Variants in TNIK observed in about 807,000 individuals in gnomAD.
TNIK encodes TRAF2 and NCK interacting kinase, also known as TRAF2 and NCK-interacting protein kinase.
A neutral mutation model predicts 191.3 loss-of-function variants in TNIK; 49 were observed. The ratio of observed to expected loss-of-function variants is 0.26; its 90% CI spans 0.20 to 0.32. TNIK has a LOEUF of 0.32. TNIK is among the 10% of genes least tolerant of loss of function. The pLI, the probability that TNIK is intolerant of heterozygous loss-of-function variation, is 1.00. For missense variants in TNIK, 1,155 were observed against 1,702.3 expected, an observed-to-expected ratio of 0.68 and a Z score of 5.66; for synonymous variants, 594 against 600.9, an observed-to-expected ratio of 0.99 and a Z score of 0.17.
chr3:171,324,736 A>G (rs1429073276), intron 2 of TNIK, among the ~76,000 whole-genome samples: 1 of 152,148 alleles, frequency 6.6e-6, no homozygotes, highest in African/African-American at 2.4e-5. Flanking sequence ...ACCCACACAT[A>G]TCCAAATATC....
chr3:171,172,939 T>G (rs931666060), intron 9 of TNIK, among the ~76,000 whole-genome samples: 1 of 152,314 alleles, frequency 6.6e-6, no homozygotes, highest in East Asian at 1.9e-4. Context: ...TCCTAAAAGT[T>G]TGTATTTCTC....
At chr3:171,106,512 T>TGCAAG (rs1724910846) in intron 21 of TNIK, among the ~76,000 whole-genome samples, 1 of 152,206 alleles carries the variant, frequency 6.6e-6, no homozygotes, top group African/African-American at 2.4e-5. Flanking sequence ...TAGGACTCTT[T>TGCAAG]GCAAGGCCTG....
At chr3:171,098,308 C>T (rs2108437603) in intron 22 of TNIK, among the ~76,000 whole-genome samples, 1 of 151,844 alleles carries the variant, frequency 6.6e-6, no homozygotes, top group Middle Eastern at 3.4e-3. Flanking sequence ...TATTTTTTTC[C>T]TGATTATAAA....
At chr3:171,259,292 G>A (rs1219221713) in intron 2 of TNIK, among the ~76,000 whole-genome samples, 4 of 152,198 alleles carry the variant, frequency 2.6e-5, no homozygotes. Flanking sequence ...GCAGCCACAT[G>A]AATCTTTCAA....
chr3:171,316,178 T>C (rs995565976), intron 2 of TNIK, among the ~76,000 whole-genome samples: 1 of 152,104 alleles, frequency 6.6e-6, no homozygotes, highest in Non-Finnish European at 1.5e-5. Context: ...ACAGGCAGCA[T>C]CCATTTTCTG....
intron 1 of TNIK, among the ~76,000 whole-genome samples, chr3:171,427,662 A>C (rs1724816680): frequency 6.6e-6 from 1 of 152,228 alleles, no homozygotes; most frequent in Non-Finnish European, 1.5e-5. Context: ...TTAGTTAAAA[A>C]TTCACTTAGT....
chr3:171,130,148 T>G (rs1729039528), intron 15 of TNIK, among the ~76,000 whole-genome samples: 1 of 152,242 alleles, frequency 6.6e-6, no homozygotes, highest in African/African-American at 2.4e-5. Context: ...TACTGCCTGA[T>G]TTGAAATAAA....
At chr3:171,427,507 T>C (rs897652670) in intron 1 of TNIK, among the ~76,000 whole-genome samples, 19 of 152,196 alleles carry the variant, frequency 1.2e-4, no homozygotes, top group African/African-American at 4.6e-4. Context: ...TGGAGTATAA[T>C]GCCCACCGTG....
chr3:171,158,078 A>G (rs1283177614), intron 11 of TNIK, among the ~76,000 whole-genome samples: 1 of 152,214 alleles, frequency 6.6e-6, no homozygotes, highest in Non-Finnish European at 1.5e-5. Context: ...TACTCAGACA[A>G]GCACAGATCG....
chr3:171,219,038 A>G, intron 3 of TNIK, among the ~76,000 whole-genome samples: 1 of 112,028 alleles, frequency 8.9e-6, no homozygotes, highest in East Asian at 2.1e-4. Context: ...TATTAATTAT[A>G]TTAAATTATA....
chr3:171,181,741 A>T (rs1736670274), intron 7 of TNIK, among the ~76,000 whole-genome samples: 1 of 152,256 alleles, frequency 6.6e-6, no homozygotes, highest in African/African-American at 2.4e-5. Context: ...ATGCCAGCAC[A>T]GAAAGCTAGG....
At chr3:171,356,458 C>T (rs1387619439) in intron 2 of TNIK, among the ~76,000 whole-genome samples, 3 of 152,092 alleles carry the variant, frequency 2.0e-5, no homozygotes, top group East Asian at 3.9e-4. Context: ...GAGTAATCAC[C>T]AAGCCATGAA....
intron 2 of TNIK, among the ~76,000 whole-genome samples, chr3:171,358,942 T>G (rs541718718): frequency 1.4e-4 from 21 of 152,244 alleles, no homozygotes; most frequent in African/African-American, 4.6e-4. Flanking sequence ...GATCAGGGCA[T>G]GGGGTGGAGT....
intron 28 of TNIK, 63 bp downstream of exon 28, chr3:171,079,455 C>G: frequency 6.4e-7 from 1 of 1,550,734 alleles, no homozygotes; most frequent in East Asian, 2.3e-5. Flanking sequence ...TAGGTGAAAC[C>G]TAACTAAGTA....
At chr3:171,167,596 A>G (rs73169801) in intron 9 of TNIK, among the ~76,000 whole-genome samples, 1,755 of 152,358 alleles carry the variant, frequency 0.012, 19 homozygotes, top group Middle Eastern at 0.048. Context: ...TAGAAGGGCT[A>G]TTGGAATAAG....
chr3:171,180,054 A>G (rs1736458189), intron 7 of TNIK, among the ~76,000 whole-genome samples: 2 of 152,218 alleles, frequency 1.3e-5, no homozygotes, highest in Non-Finnish European at 2.9e-5. Flanking sequence ...GAAGGGTCCA[A>G]TTTAAATGGC....
In TNIK at chr3:171,338,678, T is replaced by C. The variant is rs7646299; in HGVS notation, c.123+30942A>G. On this transcript the variant is annotated intron_variant, in intron 2 of 32. Coordinates refer to ENST00000436636, the MANE Select transcript of TNIK (RefSeq NM_015028.4). ...TAAGTTGTTTTTTTTTTTTTTTTTG[T>C]ATTTTTAGTAGAGACAGGATTTCAT... 5.2e-5 allele frequency among the ~76,000 whole-genome samples: 7 copies of C among 133,824 alleles called. No individual in the cohort carries two copies. The East Asian group carries it at 1.5e-3, about 29-fold the overall frequency. The allele number at this position is 133,824 out of a possible 152,430, so 87.8% of individuals were successfully genotyped here. A position where few individuals can be genotyped will look rare whatever the true frequency, so the allele number is the denominator to read the frequency against.
chr3:171,353,781 T>A (rs1713588368), intron 2 of TNIK, among the ~76,000 whole-genome samples: 1 of 152,200 alleles, frequency 6.6e-6, no homozygotes, highest in Non-Finnish European at 1.5e-5. Flanking sequence ...AAATCAAAGT[T>A]TTTATTTTGG....
chr3:171,439,425 A>G (rs1182142556), intron 1 of TNIK: 1 of 151,924 alleles, frequency 6.6e-6, no homozygotes, highest in Non-Finnish European at 1.5e-5. Flanking sequence ...AAATCACTTA[A>G]CCTAAGCCTC....
Sources: gnomAD v4.1 joint callset for allele counts (sites outside exome capture counted in the v4.1 genomes callset) on GRCh38, gnomAD v4.1.1 for gene constraint, MANE v1.5 for transcripts, NCBI Gene and HGNC (gene_info 2026-07-23, HGNC 2026-07-21) for gene names.